LHX6: variants seen among roughly 807,000 people sequenced by gnomAD.
LHX6 encodes the protein LIM/homeobox protein Lhx6.
Under a neutral mutation model 47.1 loss-of-function variants are expected in LHX6, and 15 were observed. That is an observed-to-expected ratio of 0.32 (90% CI 0.21 to 0.49). LHX6 has a LOEUF of 0.49. LHX6 is among the 20% of genes least tolerant of loss of function. The pLI is 0.99. For synonymous variants in LHX6, 242 were observed against 233.5 expected (o/e 1.04, Z -0.33); for missense variants, 404 against 539.6 (o/e 0.75, Z 2.49).
In LHX6 at chr9:122,207,704, G is replaced by A. The variant is rs77988727; in HGVS notation, c.1158+1910C>T. On this transcript the variant is annotated intron_variant, in intron 9 of 9. Coordinates refer to ENST00000394319, the MANE Select transcript of LHX6 (RefSeq NM_014368.5). Reference sequence around the variant, plus strand: ...CACACCATACACATTCTCCTGTGGTGCCCGGCACAGAGAGCTCAGTACATA... The same window carrying A: ...CACACCATACACATTCTCCTGTGGTACCCGGCACAGAGAGCTCAGTACATA... Among the ~76,000 whole-genome samples the A allele has an allele frequency of 1.9e-3, 282 of 152,194 alleles. 7 individuals are homozygous for A. In the East Asian group the frequency reaches 0.048, roughly 26 times the overall value.
chr9:122,205,945 C>G (rs1830161169), intron 9 of LHX6, among the ~76,000 whole-genome samples: 1 of 151,874 alleles, frequency 6.6e-6, no homozygotes, highest in Non-Finnish European at 1.5e-5. Flanking sequence ...GGCATTCCTT[C>G]CCCACCCTGG....
In LHX6 at chr9:122,203,546, G is replaced by A. The variant is rs1484966189; in HGVS notation, c.*1214C>T. The stretch of plus-strand genomic sequence containing the variant: ...GGCATCCCCTGAAAACATAAATCAT[G>A]GTCGTGTGTAGCCTGAGCCCTTTTG... On this transcript the variant is annotated 3_prime_UTR_variant, in exon 10 of 10. Transcript: ENST00000394319. 4 of 152,646 alleles carry A rather than the reference G, an allele frequency of 2.6e-5. No homozygotes were observed. Among genetic ancestry groups the A allele is most frequent in the African/African-American group, 9.7e-5 (4 of 41,430 alleles). The allele number at this position is 152,646 out of a possible 1,614,324, so 9.5% of individuals were successfully genotyped here.
chr9:122,217,483 T>C lies in LHX6; in HGVS notation c.462-195A>G, dbSNP rs942943493. Among the ~76,000 whole-genome samples the C allele has an allele frequency of 7.9e-5, 12 of 152,250 alleles. No individual in the cohort carries two copies. The highest frequency in any genetic ancestry group is 2.9e-4 in the African/African-American group (12 of 41,464). On this transcript the variant is annotated intron_variant, in intron 4 of 9. Transcript: ENST00000394319. This position sits in a 1 kb window ranked among gnomAD's most constrained non-coding sequence, Gnocchi z 4.9. ...AGATGAACTGGTGGGTGATTTTTAT[T>C]TTCTTCTTGGTGTTTTTCTGAATTT... is the stretch of plus-strand genomic sequence containing the variant.
intron 9 of LHX6, among the ~76,000 whole-genome samples, chr9:122,208,502 G>A (rs1287020319): frequency 6.6e-6 from 1 of 152,144 alleles, no homozygotes; most frequent in East Asian, 1.9e-4. Flanking sequence ...CAAGACATAG[G>A]AAATGTCTCC....
chr9:122,211,505 C>T (rs923196745), intron 8 of LHX6, among the ~76,000 whole-genome samples: 1 of 152,188 alleles, frequency 6.6e-6, no homozygotes, highest in Non-Finnish European at 1.5e-5. Flanking sequence ...TTTCTGGGGT[C>T]TGGTTCTAAC....
At chr9:122,216,090 G>T (rs1248035464) in intron 5 of LHX6, among the ~76,000 whole-genome samples, 1 of 152,196 alleles carries the variant, frequency 6.6e-6, no homozygotes, top group Non-Finnish European at 1.5e-5. Flanking sequence ...TAGTTAAGAG[G>T]CTGGGCTTTG....
intron 4 of LHX6, among the ~76,000 whole-genome samples, chr9:122,224,513 AG>A (rs1831009807): frequency 6.6e-6 from 1 of 151,826 alleles, no homozygotes; most frequent in Non-Finnish European, 1.5e-5. Context: ...ACAGCCGTCC[AG>A]ATTCACAAAT....
intron 1 of LHX6, chr9:122,228,186 G>T: frequency 7.7e-7 from 1 of 1,291,126 alleles, no homozygotes; most frequent in Non-Finnish European, 1.0e-6. Context: ...TCGAGGGCCA[G>T]TCGGAGGGAA....
At chr9:122,228,041 A>G (rs1338997841) in intron 1 of LHX6, 8 of 495,716 alleles carry the variant, frequency 1.6e-5, no homozygotes. Flanking sequence ...GAAAGAAAAT[A>G]AAAAAGAGAT....
Position 122,204,379 on chromosome 9 carries a change from G to A in LHX6, c.*381C>T, listed in dbSNP as rs1032752011. On this transcript the variant is annotated 3_prime_UTR_variant, in exon 10 of 10. Transcript: ENST00000394319. ...GGTTCCAAGGAAGTAGTAAATAAAGGCCAATGTGGGGGAAAAAAACCTGTA... is the reference window on the plus strand; with the variant it reads ...GGTTCCAAGGAAGTAGTAAATAAAGACCAATGTGGGGGAAAAAAACCTGTA... The A allele has an allele frequency of 6.7e-6, 2 of 299,934 alleles. No homozygotes were observed. Among genetic ancestry groups the A allele is most frequent in the Non-Finnish European group, 6.1e-6 (1 of 162,930 alleles). The allele number at this position is 299,934 out of a possible 1,614,324, so 18.6% of individuals were successfully genotyped here. A position where few individuals can be genotyped will look rare whatever the true frequency, so the allele number is the denominator to read the frequency against.
rs753881753 is a variant in LHX6, at chr9:122,217,285, T to A, written c.465A>T (p.Arg155=). The A allele has an allele frequency of 1.2e-6, 2 of 1,610,080 alleles. No homozygotes were observed. Among genetic ancestry groups the A allele is most frequent in the East Asian group, 4.5e-5 (2 of 44,852 alleles). The change falls in exon 5 of 10, where the codon CGA becomes CGT. Residue 155 remains arginine (R), a synonymous_variant. Coordinates refer to ENST00000394319, the MANE Select transcript of LHX6 (RefSeq NM_014368.5). The surrounding 1 kb of genome is among the most constrained non-coding windows in gnomAD (Gnocchi z 4.9). The part of the protein sequence containing the change: ...EIFCKMDYFS[R]FGTKCARCGR... ...CGCACCGGGCACACTTGGTCCCGAA[T>A]CGGCTGCAGGTCGAGAGGACAGGCA...
intron 1 of LHX6, chr9:122,228,217 G>A (rs1020802250): frequency 1.3e-5 from 19 of 1,507,774 alleles, no homozygotes; most frequent in Non-Finnish European, 1.5e-5. Context: ...AAAAGAGAGC[G>A]AGATCGGGGC....
At chr9:122,228,204 G>A (rs1253581158) in intron 1 of LHX6, 2 of 1,479,682 alleles carry the variant, frequency 1.4e-6, no homozygotes, top group East Asian at 2.5e-5. Flanking sequence ...GAAACCCGGA[G>A]CAAAAAGAGA....
At chr9:122,215,379 C>CTG (rs1230124606) in intron 5 of LHX6, among the ~76,000 whole-genome samples, 1 of 152,116 alleles carries the variant, frequency 6.6e-6, no homozygotes, top group East Asian at 1.9e-4. Flanking sequence ...GTGTGTGTAT[C>CTG]TGTGTGTGTG....
intron 4 of LHX6, chr9:122,221,646 C>A: frequency 1.0e-6 from 1 of 985,466 alleles, no homozygotes; most frequent in Non-Finnish European, 1.2e-6. Flanking sequence ...GGCCAGGGAC[C>A]GCAGTGACCT....
rs1299078598 is a variant in LHX6, at chr9:122,214,138, G to T, written c.784-69C>A. ...CCGAGACCCCGGCCCAATCAGCGGC[G>T]CCAGTCCACAGGCCACGCCCCAGGC... On this transcript the variant is annotated intron_variant, in intron 6 of 9. Coordinates refer to ENST00000394319, the MANE Select transcript of LHX6 (RefSeq NM_014368.5). This position sits in a 1 kb window ranked among gnomAD's most constrained non-coding sequence, Gnocchi z 4.6. 44 of 1,484,926 alleles carry T rather than the reference G, an allele frequency of 3.0e-5. No individual in the cohort carries two copies. The highest frequency in any genetic ancestry group is 3.6e-5 in the Non-Finnish European group (40 of 1,096,702). 92.0% of individuals were successfully genotyped at this position (1,484,926 alleles called of 1,614,324 possible).
rs1299028338 is a variant in LHX6 at position 122,214,153 on chromosome 9, ACGCCCCAGGCAGCTGCGGCCC to A, written c.784-105_784-85del. ...AATCAGCGGCGCCAGTCCACAGGCC[ACGCCCCAGGCAGCTGCGGCCC>A]CGCCCCGCCACCCGGGTCCGGCCCG... On this transcript the variant is annotated intron_variant, in intron 6 of 9. Transcript: ENST00000394319. This position sits in a 1 kb window ranked among gnomAD's most constrained non-coding sequence, Gnocchi z 4.6. 5.5e-6 allele frequency: 8 copies of A among 1,453,868 alleles called. No individual in the cohort carries two copies. In the Admixed American group the frequency reaches 1.6e-4, roughly 29 times the overall value. The allele number at this position is 1,453,868 out of a possible 1,614,324, so 90.1% of individuals were successfully genotyped here. A position where few individuals can be genotyped will look rare whatever the true frequency, so the allele number is the denominator to read the frequency against.
At position 122,204,774 on chromosome 9, in the gene LHX6, G is replaced by A; in HGVS notation, c.1165C>T (p.Leu389Phe). Residue 389 changes from leucine to phenylalanine, a missense_variant, in exon 10 of 10, where the codon CTT (leucine) becomes TTT (phenylalanine). Leu to Phe is a conservative substitution (Grantham distance 22). Transcript: ENST00000394319. ...TGCCGGCAGCGTTAGTACTGAAAAA[G>A]GATGACCTGCAAGAGGAGGGCATGG... is the stretch of plus-strand genomic sequence containing the variant. ...PLSNRGEKVI[L>F]FQY 1 of 1,590,396 alleles carries A rather than the reference G, an allele frequency of 6.3e-7. No individual in the cohort carries two copies. The highest frequency in any genetic ancestry group is 8.6e-7 in the Non-Finnish European group (1 of 1,168,290).
At chr9:122,227,562 C>A in intron 1 of LHX6, 82 bp from the exon 2 acceptor site, 6 of 1,436,940 alleles carry the variant, frequency 4.2e-6, no homozygotes, top group Non-Finnish European at 5.5e-6. Flanking sequence ...CCTCCCCGCG[C>A]CTGTTATATA....
Sources: gnomAD v4.1 joint callset for allele counts (sites outside exome capture counted in the v4.1 genomes callset) on GRCh38, gnomAD v4.1.1 for gene constraint, Gnocchi (gnomAD v3.1) non-coding constraint, MANE v1.5 for transcripts, NCBI Gene and HGNC (gene_info 2026-07-23, HGNC 2026-07-21) for gene names.